Variants in CNTNAP2 observed in about 807,000 individuals in gnomAD.
CNTNAP2 encodes contactin-associated protein-like 2.
Under a neutral mutation model 155.2 loss-of-function variants are expected in CNTNAP2, and 98 were observed. That is an observed-to-expected ratio of 0.63 (90% CI 0.54 to 0.75). The LOEUF is 0.75. Ranked by LOEUF, CNTNAP2 falls within the 30% of genes least tolerant of loss-of-function variation. The probability of loss-of-function intolerance (pLI) is 0.00; values close to 1 mark genes in which losing one functional copy is unlikely to be tolerated. For synonymous variants in CNTNAP2, 651 were observed against 631.2 expected, an observed-to-expected ratio of 1.03 and a Z score of -0.47; for missense variants, 1,727 against 1,688.1, an observed-to-expected ratio of 1.02 and a Z score of -0.40.
At chr7:148,390,894 A>G (rs1251716667) in intron 22 of CNTNAP2, among the ~76,000 whole-genome samples, 2 of 152,226 alleles carry the variant, frequency 1.3e-5, no homozygotes, top group Admixed American at 6.5e-5. Flanking sequence ...GCACTGCACA[A>G]CTATAACAGA....
chr7:146,577,854 A>G (rs1351600965), intron 1 of CNTNAP2, among the ~76,000 whole-genome samples: 3 of 152,082 alleles, frequency 2.0e-5, no homozygotes, highest in Admixed American at 6.6e-5. Context: ...AAAAAAAGTG[A>G]AGAGTTTGAA....
At chr7:147,230,301 A>G (rs561340004) in intron 8 of CNTNAP2, among the ~76,000 whole-genome samples, 1 of 152,012 alleles carries the variant, frequency 6.6e-6, no homozygotes, top group Non-Finnish European at 1.5e-5. Context: ...CTCTGTCACC[A>G]GGCTGGAGTA....
intron 1 of CNTNAP2, among the ~76,000 whole-genome samples, chr7:146,344,470 C>CA (rs1794788865): frequency 1.4e-5 from 2 of 144,744 alleles, no homozygotes; most frequent in African/African-American, 5.0e-5. Flanking sequence ...ATTGAACTAG[C>CA]TTTTTTTTTT....
intron 14 of CNTNAP2, among the ~76,000 whole-genome samples, chr7:147,962,182 G>A (rs1476433683): frequency 6.6e-6 from 1 of 152,202 alleles, no homozygotes; most frequent in Non-Finnish European, 1.5e-5. Flanking sequence ...ATAAATTTTT[G>A]TTGAATTAAT....
intron 15 of CNTNAP2, among the ~76,000 whole-genome samples, chr7:148,013,692 G>T (rs1033074296): frequency 6.6e-5 from 10 of 152,182 alleles, no homozygotes; most frequent in African/African-American, 2.2e-4. Flanking sequence ...TAATCAATTT[G>T]TATCCATGAC....
intron 1 of CNTNAP2, among the ~76,000 whole-genome samples, chr7:146,638,476 CTTTTTTTTTTTT>C (rs879600389): frequency 1.6e-5 from 1 of 64,330 alleles, no homozygotes; most frequent in Admixed American, 1.5e-4. Flanking sequence ...TCAGGTGTTT[CTTTTTTTTTTTT>C]TTTTTTTTTT....
intron 1 of CNTNAP2, among the ~76,000 whole-genome samples, chr7:146,210,914 A>G (rs1341992753): frequency 6.6e-6 from 1 of 152,014 alleles, no homozygotes; most frequent in Non-Finnish European, 1.5e-5. Context: ...TTTTAAGGTA[A>G]GAGGCCTAAA....
chr7:146,722,547 G>T (rs1801355811), intron 1 of CNTNAP2, among the ~76,000 whole-genome samples: 1 of 152,098 alleles, frequency 6.6e-6, no homozygotes, highest in Admixed American at 6.5e-5. Flanking sequence ...TTCTGTGGCT[G>T]GTTGGTGAGA....
intron 16 of CNTNAP2, among the ~76,000 whole-genome samples, chr7:148,142,387 T>C (rs2116645518): frequency 6.6e-6 from 1 of 152,160 alleles, no homozygotes; most frequent in African/African-American, 2.4e-5. Flanking sequence ...TAGTACTTCA[T>C]TCAGAAAAAA....
chr7:147,046,279 A>G (rs997376361), intron 4 of CNTNAP2, among the ~76,000 whole-genome samples: 2 of 151,972 alleles, frequency 1.3e-5, no homozygotes. Flanking sequence ...AGTTACTGCA[A>G]CTCCTTAAAC....
chr7:148,137,585 C>T (rs1484067689), intron 16 of CNTNAP2, among the ~76,000 whole-genome samples: 3 of 151,956 alleles, frequency 2.0e-5, no homozygotes, highest in Non-Finnish European at 2.9e-5. Context: ...TAATTTAAAC[C>T]TGGGAGGTGG....
intron 3 of CNTNAP2, among the ~76,000 whole-genome samples, chr7:146,936,217 G>A (rs978960558): frequency 1.3e-5 from 2 of 152,128 alleles, no homozygotes; most frequent in African/African-American, 4.8e-5. Flanking sequence ...GCTATTGTTT[G>A]GACTGAGCTC....
chr7:146,256,699 G>C (rs1463875195), intron 1 of CNTNAP2, among the ~76,000 whole-genome samples: 2 of 151,940 alleles, frequency 1.3e-5, no homozygotes, highest in Non-Finnish European at 2.9e-5. Flanking sequence ...AACCTCTTAA[G>C]AGATAGCTTA....
intron 13 of CNTNAP2, among the ~76,000 whole-genome samples, chr7:147,743,914 C>G (rs773167092): frequency 6.6e-6 from 1 of 152,114 alleles, no homozygotes; most frequent in African/African-American, 2.4e-5. Context: ...CCCCACCCTT[C>G]TAGTTTCGAA....
intron 17 of CNTNAP2, among the ~76,000 whole-genome samples, chr7:148,152,292 G>C (rs1162100017): frequency 6.6e-6 from 1 of 151,984 alleles, no homozygotes; most frequent in African/African-American, 2.4e-5. Context: ...TGGTGGGCAG[G>C]GGGCTAGGGA....
chr7:147,365,377 C>CAA (rs1796210894), intron 9 of CNTNAP2, among the ~76,000 whole-genome samples: 1 of 30,284 alleles, frequency 3.3e-5, no homozygotes, highest in Non-Finnish European at 5.5e-5. Flanking sequence ...CACTCTATCT[C>CAA]AAAAAGAAAA....
At chr7:148,216,241 G>A (rs1000595440) in intron 18 of CNTNAP2, among the ~76,000 whole-genome samples, 5 of 152,174 alleles carry the variant, frequency 3.3e-5, no homozygotes, top group African/African-American at 1.2e-4. Flanking sequence ...GGAAAAGGCT[G>A]ATGCAGGAAG....
chr7:147,368,094 TGTCACA>T (rs1796273235), intron 9 of CNTNAP2, among the ~76,000 whole-genome samples: 1 of 31,046 alleles, frequency 3.2e-5, no homozygotes, highest in Non-Finnish European at 7.1e-5. Flanking sequence ...TCTCTCTCTC[TGTCACA>T]CACACACACA....
At chr7:147,997,642 A>T (rs1360058981) in intron 15 of CNTNAP2, among the ~76,000 whole-genome samples, 1 of 152,090 alleles carries the variant, frequency 6.6e-6, no homozygotes, top group Non-Finnish European at 1.5e-5. Flanking sequence ...AATACTTTGA[A>T]AGTTAAGTGC....
Sources: allele counts gnomAD v4.1 joint callset (sites outside exome capture counted in the v4.1 genomes callset), GRCh38; gene constraint gnomAD v4.1.1; transcripts MANE v1.5; gene names NCBI Gene and HGNC (gene_info 2026-07-23, HGNC 2026-07-21).